The following GALNT10 variants were observed in gnomAD, a reference collection of about 807,000 sequenced individuals.
GALNT10 encodes the protein GalNAc transferase 10.
In GALNT10, 41 loss-of-function variants were observed where a neutral mutation model predicts 75.0. That is an observed-to-expected ratio of 0.55 (90% CI 0.43 to 0.71). The LOEUF (loss-of-function observed/expected upper bound fraction) is 0.71. GALNT10 is among the 30% of genes least tolerant of loss of function. The probability of loss-of-function intolerance (pLI) is 0.00; values close to 1 mark genes in which losing one functional copy is unlikely to be tolerated. For missense variants in GALNT10, 727 were observed against 818.5 expected, an observed-to-expected ratio of 0.89 and a Z score of 1.36; for synonymous variants, 302 against 313.0, an observed-to-expected ratio of 0.96 and a Z score of 0.37.
chr5:154,234,655 T>G (rs1001372632), intron 1 of GALNT10, among the ~76,000 whole-genome samples: 1 of 152,228 alleles, frequency 6.6e-6, no homozygotes, highest in African/African-American at 2.4e-5. Context: ...GAGTCTGGTG[T>G]CAGGATCAGG....
At chr5:154,295,352 G>A (rs978164567) in intron 2 of GALNT10, among the ~76,000 whole-genome samples, 1 of 152,140 alleles carries the variant, frequency 6.6e-6, no homozygotes, top group African/African-American at 2.4e-5. Context: ...AATTTCCTCT[G>A]TGAAACCTCA....
intron 10 of GALNT10, among the ~76,000 whole-genome samples, chr5:154,414,509 T>C (rs1756465720): frequency 1.3e-5 from 2 of 152,180 alleles, no homozygotes; most frequent in African/African-American, 4.8e-5. Context: ...GATTCCTTTA[T>C]AGAAAATTCT....
chr5:154,410,339 C>T lies in GALNT10; in HGVS notation c.1386+577C>T, dbSNP rs190075740. On this transcript the variant is annotated intron_variant, in intron 9 of 11. Coordinates refer to ENST00000297107, the MANE Select transcript of GALNT10 (RefSeq NM_198321.4). Reference sequence around the variant, plus strand: ...TGACTTGAGCTCAGGAGTTTGACAACATTTTCCTATGGGAAACATAGGAAG... The same window carrying T: ...TGACTTGAGCTCAGGAGTTTGACAATATTTTCCTATGGGAAACATAGGAAG... Among the ~76,000 whole-genome samples the T allele has an allele frequency of 2.2e-5, 3 of 137,496 alleles. No homozygotes were observed. The Admixed American group carries it at 2.3e-4, about 11-fold the overall frequency. The allele number at this position is 137,496 out of a possible 152,430, so 90.2% of individuals were successfully genotyped here.
intron 1 of GALNT10, among the ~76,000 whole-genome samples, chr5:154,216,641 G>C (rs1752878249): frequency 6.6e-6 from 1 of 152,142 alleles, no homozygotes; most frequent in Non-Finnish European, 1.5e-5. Context: ...GCACCTCCAA[G>C]TCTTACCAAT....
At chr5:154,315,570 G>T (rs1240349265) in intron 3 of GALNT10, among the ~76,000 whole-genome samples, 4 of 152,232 alleles carry the variant, frequency 2.6e-5, no homozygotes, top group Admixed American at 6.5e-5. Context: ...TCAAGAAAGA[G>T]AATTTGATTG....
intron 4 of GALNT10, among the ~76,000 whole-genome samples, chr5:154,359,094 A>G (rs1755342781): frequency 6.6e-6 from 1 of 152,206 alleles, no homozygotes. Flanking sequence ...TAAGGAAACC[A>G]GTAATCATCT....
At chr5:154,357,416 G>T (rs1209734641) in intron 4 of GALNT10, among the ~76,000 whole-genome samples, 1 of 152,070 alleles carries the variant, frequency 6.6e-6, no homozygotes, top group East Asian at 1.9e-4. Context: ...ATTACAGGTG[G>T]TTTTTATTGT....
chr5:154,248,745 T>C (rs1459422749), intron 1 of GALNT10, among the ~76,000 whole-genome samples: 1 of 152,246 alleles, frequency 6.6e-6, no homozygotes, highest in East Asian at 1.9e-4. Context: ...ATTTTGTTGA[T>C]CTTTTCAAAA....
chr5:154,265,101 G>A (rs1392079737), intron 1 of GALNT10, among the ~76,000 whole-genome samples: 1 of 152,184 alleles, frequency 6.6e-6, no homozygotes, highest in Non-Finnish European at 1.5e-5. Context: ...ATTTCTTGAT[G>A]AGTATTCTAA....
chr5:154,207,496 G>A (rs1333755718), intron 1 of GALNT10, among the ~76,000 whole-genome samples: 1 of 152,162 alleles, frequency 6.6e-6, no homozygotes. Context: ...TACTAAACAG[G>A]TCAAGTCAGA....
At chr5:154,292,124 G>T (rs1754202824) in intron 1 of GALNT10, among the ~76,000 whole-genome samples, 1 of 152,228 alleles carries the variant, frequency 6.6e-6, no homozygotes, top group Non-Finnish European at 1.5e-5. Flanking sequence ...TCAGGGTTTT[G>T]CAGCCTTCTA....
intron 1 of GALNT10, chr5:154,218,221 TA>T (rs756812967): frequency 1.4e-6 from 1 of 703,576 alleles, no homozygotes. Flanking sequence ...TCTCTCATTT[TA>T]AAAGCCCTCC....
chr5:154,234,900 T>C (rs1753221268), intron 1 of GALNT10, among the ~76,000 whole-genome samples: 2 of 152,196 alleles, frequency 1.3e-5, no homozygotes, highest in Admixed American at 1.3e-4. Context: ...GAGGCCTAAG[T>C]ACCAGATAGG....
At chr5:154,212,359 G>A (rs1752778371) in intron 1 of GALNT10, among the ~76,000 whole-genome samples, 1 of 152,196 alleles carries the variant, frequency 6.6e-6, no homozygotes, top group Non-Finnish European at 1.5e-5. Context: ...TTTCTACCAT[G>A]ACAGGCACTG....
intron 6 of GALNT10, 120 bp downstream of exon 6, chr5:154,380,751 C>T (rs940685144): frequency 6.4e-5 from 41 of 640,066 alleles, no homozygotes; most frequent in Non-Finnish European, 1.0e-4. Flanking sequence ...GCTTCCCAGC[C>T]CCACTTAGTA....
chr5:154,411,276 C>T (rs1455443298), intron 9 of GALNT10, among the ~76,000 whole-genome samples: 2 of 152,204 alleles, frequency 1.3e-5, no homozygotes, highest in African/African-American at 2.4e-5. Flanking sequence ...ACTCATGTTC[C>T]TTTTGTGTTG....
intron 4 of GALNT10, among the ~76,000 whole-genome samples, chr5:154,332,957 G>A (rs931155193): frequency 6.6e-6 from 1 of 152,176 alleles, no homozygotes; most frequent in African/African-American, 2.4e-5. Flanking sequence ...TTCAAAACAA[G>A]CATCTCTCCT....
At chr5:154,299,185 C>A (rs76549820) in intron 3 of GALNT10, among the ~76,000 whole-genome samples, 1,818 of 152,292 alleles carry the variant, frequency 0.012, 40 homozygotes, top group African/African-American at 0.04. Flanking sequence ...TCAGCATCAC[C>A]TAGGAATTTG....
At chr5:154,350,239 G>T (rs917260514) in intron 4 of GALNT10, among the ~76,000 whole-genome samples, 1 of 152,178 alleles carries the variant, frequency 6.6e-6, no homozygotes. Context: ...TGAGAATGGG[G>T]TAGGGGCCAG....
Sources: allele counts gnomAD v4.1 joint callset (sites outside exome capture counted in the v4.1 genomes callset), GRCh38; gene constraint gnomAD v4.1.1; transcripts MANE v1.5; gene names NCBI Gene and HGNC (gene_info 2026-07-23, HGNC 2026-07-21).